Variants in DCAF6 observed in about 807,000 individuals in gnomAD.
DCAF6 encodes DDB1 and CUL4 associated factor 6, also known as DDB1- and CUL4-associated factor 6.
DCAF6 carries 54 observed loss-of-function variants against 125.1 expected under a neutral mutation model. The observed-to-expected ratio is 0.43, with a 90% CI of 0.35 to 0.54. DCAF6 has a LOEUF of 0.54. Among genes scored for constraint, DCAF6 ranks in the 20% least tolerant of loss-of-function variants. The pLI, the probability that DCAF6 is intolerant of heterozygous loss-of-function variation, is 0.01. For synonymous variants in DCAF6, 371 were observed against 390.4 expected, an observed-to-expected ratio of 0.95 and a Z score of 0.58; for missense variants, 934 against 1,161.7, an observed-to-expected ratio of 0.80 and a Z score of 2.85.
chr1:168,011,951 C>T lies in DCAF6; in HGVS notation c.1379-3830C>T, dbSNP rs149578142. The stretch of plus-strand genomic sequence containing the variant: ...TCACTCCATTGCACTCCAGCCTGGG[C>T]GACAGAGTGAGCCTCTGTCTCAGAA... On this transcript the variant is annotated intron_variant, in intron 10 of 21. Coordinates refer to ENST00000367840, the MANE Select transcript of DCAF6 (RefSeq NM_001198956.2). Among the ~76,000 whole-genome samples the T allele has an allele frequency of 8.5e-3, 1,284 of 151,816 alleles. 18 individuals are homozygous for T. Among genetic ancestry groups the T allele is most frequent in the African/African-American group, 0.03 (1,229 of 41,360 alleles).
At chr1:167,976,998 G>A (rs1678337650) in intron 4 of DCAF6, among the ~76,000 whole-genome samples, 1 of 138,954 alleles carries the variant, frequency 7.2e-6, no homozygotes, top group Non-Finnish European at 1.5e-5. Flanking sequence ...CTGCCTCCTG[G>A]GTTCAAGTAA....
At chr1:167,976,618 G>A (rs554863243) in intron 4 of DCAF6, among the ~76,000 whole-genome samples, 2 of 152,064 alleles carry the variant, frequency 1.3e-5, no homozygotes, top group African/African-American at 4.8e-5. Flanking sequence ...CAAGAATATC[G>A]AACAAAGCCA....
At chr1:167,881,148 G>C in the DCAF6 span, among the ~76,000 whole-genome samples, 1 of 152,164 alleles carries the variant, frequency 6.6e-6, no homozygotes, top group African/African-American at 2.4e-5. Flanking sequence ...AAACTATAAA[G>C]TACTTTGCAG....
At chr1:167,937,370 G>T (rs1671449049) in intron 1 of DCAF6, 1 of 240,802 alleles carries the variant, frequency 4.2e-6, no homozygotes. Context: ...TTTCCAGCGC[G>T]CTTTCCCCGC....
At chr1:168,007,606 A>G (rs1054059489) in intron 10 of DCAF6, among the ~76,000 whole-genome samples, 1 of 152,190 alleles carries the variant, frequency 6.6e-6, no homozygotes, top group Non-Finnish European at 1.5e-5. Context: ...TGCATTTAAC[A>G]TAGGCTGTCA....
the DCAF6 span, chr1:167,917,667 G>A: frequency 6.6e-6 from 1 of 150,982 alleles, no homozygotes; most frequent in African/African-American, 2.4e-5. Context: ...AGGTCTGTCT[G>A]AATATAGAGT....
intron 5 of DCAF6, among the ~76,000 whole-genome samples, chr1:167,988,816 C>T (rs931646869): frequency 1.3e-5 from 2 of 152,262 alleles, no homozygotes; most frequent in African/African-American, 4.8e-5. Context: ...TGCGGTGGCT[C>T]ATGCCTCTAA....
chr1:167,939,500 C>T lies in DCAF6; in HGVS notation c.97+2492C>T, dbSNP rs538416049. Among the ~76,000 whole-genome samples the T allele has an allele frequency of 1.2e-4, 19 of 152,236 alleles. No homozygotes were observed. In the South Asian group the frequency reaches 3.5e-3, roughly 28 times the overall value. On this transcript the variant is annotated intron_variant, in intron 1 of 21. Transcript: ENST00000367840. ...ACTCTTGGCCGGGCGCGGTGGCTTA[C>T]GCCTGGAATCCCAGCACTTTGGGAG...
the DCAF6 span, among the ~76,000 whole-genome samples, chr1:167,907,674 G>A: frequency 6.6e-6 from 1 of 152,218 alleles, no homozygotes; most frequent in Non-Finnish European, 1.5e-5. Context: ...TTAGCAAGAG[G>A]TGATTAAAAG....
the DCAF6 span, among the ~76,000 whole-genome samples, chr1:167,913,745 AAAGT>A: frequency 6.6e-6 from 1 of 152,182 alleles, no homozygotes; most frequent in Non-Finnish European, 1.5e-5. Flanking sequence ...GCAAATAAAG[AAAGT>A]AAGCTAGAAA....
chr1:167,878,448 T>C, the DCAF6 span: 1 of 1,613,850 alleles, frequency 6.2e-7, no homozygotes, highest in South Asian at 1.1e-5. Context: ...ACACTCACAC[T>C]TTCTCAGTAC....
At chr1:168,018,739 C>G (rs1685295526) in intron 11 of DCAF6, among the ~76,000 whole-genome samples, 1 of 152,130 alleles carries the variant, frequency 6.6e-6, no homozygotes, top group Non-Finnish European at 1.5e-5. Flanking sequence ...GTTTTCTAGA[C>G]TTTTAGGAAA....
At chr1:167,907,944 C>G in the DCAF6 span, among the ~76,000 whole-genome samples, 10 of 151,960 alleles carry the variant, frequency 6.6e-5, no homozygotes, top group Admixed American at 6.6e-4. Context: ...TCCATGGGCA[C>G]GATAGAAGAC....
chr1:167,927,409 A>G, the DCAF6 span, among the ~76,000 whole-genome samples: 1 of 152,310 alleles, frequency 6.6e-6, no homozygotes, highest in East Asian at 1.9e-4. Context: ...TGTCATACAC[A>G]GTGTCTCTGG....
At position 167,936,832 on chromosome 1, in the gene DCAF6, G is replaced by C. The variant is rs1196146099; in HGVS notation, c.-80G>C. 1 of 1,271,446 alleles carries C rather than the reference G, an allele frequency of 7.9e-7. No homozygotes were observed. The highest frequency in any genetic ancestry group is 2.0e-5 in the Admixed American group (1 of 49,382). The allele number at this position is 1,271,446 out of a possible 1,614,324, so 78.8% of individuals were successfully genotyped here. A position where few individuals can be genotyped will look rare whatever the true frequency, so the allele number is the denominator to read the frequency against. On this transcript the variant is annotated 5_prime_UTR_variant, in exon 1 of 22. Coordinates refer to ENST00000367840, the MANE Select transcript of DCAF6 (RefSeq NM_001198956.2). ...GCGCGGATGGTGCCGGTGCGGCTCG[G>C]GTGTTGAAACGGGTGTCCCCTCCCC... is the stretch of plus-strand genomic sequence containing the variant.
chr1:168,014,739 C>G (rs1397120150), intron 10 of DCAF6, among the ~76,000 whole-genome samples: 2 of 152,192 alleles, frequency 1.3e-5, no homozygotes, highest in Non-Finnish European at 2.9e-5. Context: ...ATTGCACATT[C>G]CTATATGCTT....
At position 168,003,866 on chromosome 1, in the gene DCAF6, A is replaced by G; in HGVS notation, c.998-4A>G. 6.2e-7 allele frequency: 1 copy of G among 1,609,082 alleles called. No homozygotes were observed. Among genetic ancestry groups the G allele is most frequent in the Non-Finnish European group, 8.5e-7 (1 of 1,178,014 alleles). Reference sequence around the variant, plus strand: ...ACTCACTGATAAGACCTATATTGTAATAGGAGAGCAGAGTCCCAATGTGTC... The same window carrying G: ...ACTCACTGATAAGACCTATATTGTAGTAGGAGAGCAGAGTCCCAATGTGTC... On this transcript the variant is annotated splice_polypyrimidine_tract_variant and splice_region_variant and intron_variant, in intron 8 of 21. Transcript: ENST00000367840.
At chr1:167,904,081 G>GTT in the DCAF6 span, 1 of 501,706 alleles carries the variant, frequency 2.0e-6, no homozygotes, top group Non-Finnish European at 3.4e-6. Context: ...GCGGGCCTCA[G>GTT]CTTTTTTTTT....
chr1:167,988,229 T>G (rs771376104), intron 5 of DCAF6, among the ~76,000 whole-genome samples: 2 of 152,180 alleles, frequency 1.3e-5, no homozygotes, highest in Non-Finnish European at 2.9e-5. Flanking sequence ...GGTGCAATCC[T>G]AGCTCACTGC....
Sources: allele counts gnomAD v4.1 joint callset (sites outside exome capture counted in the v4.1 genomes callset), GRCh38; gene constraint gnomAD v4.1.1; transcripts MANE v1.5; gene names NCBI Gene and HGNC (gene_info 2026-07-23, HGNC 2026-07-21).